The following PCDHGA2 variants were observed in gnomAD, a reference collection of about 807,000 sequenced individuals.
The protein encoded by PCDHGA2 is protocadherin gamma-A2.
A neutral mutation model predicts 59.2 loss-of-function variants in PCDHGA2; 40 were observed. That is an observed-to-expected ratio of 0.68 (90% confidence interval 0.52 to 0.88). PCDHGA2 has a LOEUF of 0.88. PCDHGA2 is among the 40% of genes least tolerant of loss of function. The probability of loss-of-function intolerance (pLI) is 0.00; values close to 1 mark genes in which losing one functional copy is unlikely to be tolerated. For synonymous variants in PCDHGA2, 560 were observed against 526.0 expected (o/e 1.06, Z -0.89); for missense variants, 1,226 against 1,204.0 (o/e 1.02, Z -0.27).
At chr5:141,430,873 G>C (rs2097319709) in intron 1 of PCDHGA2, 1 of 1,598,842 alleles carries the variant, frequency 6.3e-7, no homozygotes, top group African/African-American at 1.3e-5. Flanking sequence ...TTCCGGAAGA[G>C]CTGGAGAAAG....
chr5:141,400,048 G>A (rs760963865), intron 1 of PCDHGA2: 3 of 1,613,664 alleles, frequency 1.9e-6, no homozygotes, highest in Non-Finnish European at 2.5e-6. Context: ...CCTGCTGGTT[G>A]CTGTGCGTGA....
rs1225473275 is a variant in PCDHGA2 at position 141,512,442 on chromosome 5, TC to T, written c.*1271del. ...GGCCCCTGCCCTCCTGAAGCCTCAG[TC>T]CTTCACCTTGCCAGGTGCCGTTTCT... is the stretch of plus-strand genomic sequence containing the variant. On this transcript the variant is annotated 3_prime_UTR_variant, in exon 4 of 4. Transcript: ENST00000394576. 1 of 152,892 alleles carries T rather than the reference TC, an allele frequency of 6.5e-6. No individual in the cohort carries two copies. Among genetic ancestry groups the T allele is most frequent in the African/African-American group, 2.4e-5 (1 of 41,466 alleles). 9.5% of individuals were successfully genotyped at this position (152,892 alleles called of 1,614,324 possible).
chr5:141,346,429 A>G, intron 1 of PCDHGA2: 1 of 1,614,274 alleles, frequency 6.2e-7, no homozygotes, highest in Non-Finnish European at 8.5e-7. Context: ...GATTTACTTG[A>G]AATGAAAGGA....
intron 1 of PCDHGA2, among the ~76,000 whole-genome samples, chr5:141,447,896 G>C (rs2098554754): frequency 6.6e-6 from 1 of 152,022 alleles, no homozygotes; most frequent in African/African-American, 2.4e-5. Flanking sequence ...GACCAGCCTG[G>C]CCAACATGGT....
intron 1 of PCDHGA2, among the ~76,000 whole-genome samples, chr5:141,373,446 C>T (rs1282910334): frequency 6.6e-6 from 1 of 152,132 alleles, no homozygotes. Flanking sequence ...TCCCTTGATC[C>T]CAGGAGGTAG....
At chr5:141,404,058 T>C (rs1411363585) in intron 1 of PCDHGA2, 1 of 1,613,778 alleles carries the variant, frequency 6.2e-7, no homozygotes, top group Non-Finnish European at 8.5e-7. Flanking sequence ...ATTCTTCTTT[T>C]CAATGCTCAT....
At chr5:141,353,093 G>A (rs1040742747) in intron 1 of PCDHGA2, among the ~76,000 whole-genome samples, 1 of 152,022 alleles carries the variant, frequency 6.6e-6, no homozygotes, top group Non-Finnish European at 1.5e-5. Context: ...TGCGGGAGGG[G>A]GTACTAGATA....
intron 1 of PCDHGA2, among the ~76,000 whole-genome samples, chr5:141,462,035 C>G (rs35674654): frequency 2.0e-5 from 3 of 152,076 alleles, no homozygotes; most frequent in Non-Finnish European, 4.4e-5. Context: ...GTTGGTCAGG[C>G]GGGTCTTGAA....
chr5:141,421,291 G>C, intron 1 of PCDHGA2: 1 of 1,613,364 alleles, frequency 6.2e-7, no homozygotes, highest in Middle Eastern at 1.6e-4. Context: ...CATTTTCCTG[G>C]GGACGCTGCG....
chr5:141,428,488 CTGT>C (rs2097142454), intron 1 of PCDHGA2: 1 of 312,362 alleles, frequency 3.2e-6, no homozygotes. Flanking sequence ...TTCCTGCAAT[CTGT>C]ATGTTCCCTC....
chr5:141,419,119 C>T lies in PCDHGA2; in HGVS notation c.2425-75688C>T. 2.5e-6 allele frequency: 4 copies of T among 1,613,896 alleles called. No individual in the cohort carries two copies. The South Asian group carries it at 3.3e-5, about 13-fold the overall frequency. Reference sequence around the variant, plus strand: ...GGGAGCAGACCCCAGAGTACAACGTCACCATCGCAGCCACAGACAGGGGCA... The same window carrying T: ...GGGAGCAGACCCCAGAGTACAACGTTACCATCGCAGCCACAGACAGGGGCA... On this transcript the variant is annotated intron_variant, in intron 1 of 3. Coordinates refer to ENST00000394576, the MANE Select transcript of PCDHGA2 (RefSeq NM_018915.4).
At chr5:141,408,578 G>A (rs775312574) in intron 1 of PCDHGA2, 3 of 1,613,928 alleles carry the variant, frequency 1.9e-6, no homozygotes, top group African/African-American at 1.3e-5. Flanking sequence ...GATTGAGGAT[G>A]TTAATGACCA....
chr5:141,356,037 T>C, intron 1 of PCDHGA2: 1 of 1,614,004 alleles, frequency 6.2e-7, no homozygotes, highest in South Asian at 1.1e-5. Context: ...ACGTGACGTA[T>C]TCTTTCCGGA....
intron 1 of PCDHGA2, chr5:141,376,399 G>C (rs764497807): frequency 6.2e-7 from 1 of 1,614,182 alleles, no homozygotes; most frequent in South Asian, 1.1e-5. Flanking sequence ...TTTTCCCCCA[G>C]CCCAACTATG....
At chr5:141,363,119 GT>G (rs1228488780) in intron 1 of PCDHGA2, among the ~76,000 whole-genome samples, 2 of 152,234 alleles carry the variant, frequency 1.3e-5, no homozygotes, top group East Asian at 3.8e-4. Flanking sequence ...GGTCTGAGGT[GT>G]CTGCTAGAAA....
chr5:141,385,223 A>C (rs766051345), intron 1 of PCDHGA2: 6 of 1,614,184 alleles, frequency 3.7e-6, no homozygotes. Flanking sequence ...CAGCCCAACT[A>C]TGTAGACATG....
chr5:141,456,093 T>G (rs1362649283), intron 1 of PCDHGA2, among the ~76,000 whole-genome samples: 1 of 151,986 alleles, frequency 6.6e-6, no homozygotes, highest in Non-Finnish European at 1.5e-5. Context: ...GAGACGGGAT[T>G]TCACCGTGTT....
At chr5:141,358,564 AGTGACTATGT>A (rs1760950785) in intron 1 of PCDHGA2, among the ~76,000 whole-genome samples, 1 of 152,222 alleles carries the variant, frequency 6.6e-6, no homozygotes, top group African/African-American at 2.4e-5. Context: ...ATGCACCAGA[AGTGACTATGT>A]GTGATTCCTC....
At chr5:141,421,508 A>G (rs780491148) in intron 1 of PCDHGA2, 1 of 1,614,046 alleles carries the variant, frequency 6.2e-7, no homozygotes, top group Non-Finnish European at 8.5e-7. Flanking sequence ...ATAGACCGGG[A>G]GGAGCTCTGT....
Sources: gnomAD v4.1 joint callset for allele counts (sites outside exome capture counted in the v4.1 genomes callset) on GRCh38, gnomAD v4.1.1 for gene constraint, MANE v1.5 for transcripts, NCBI Gene and HGNC (gene_info 2026-07-23, HGNC 2026-07-21) for gene names.